Variants in TBL3 observed in about 807,000 individuals in gnomAD.
TBL3 encodes the protein transducin beta-like protein 3.
In TBL3, 71 loss-of-function variants were observed where a neutral mutation model predicts 102.7. That is an observed-to-expected ratio of 0.69 (90% CI 0.57 to 0.84). TBL3 has a LOEUF of 0.84. Ranked by LOEUF, TBL3 falls within the 40% of genes least tolerant of loss-of-function variation. The pLI, the probability that TBL3 is intolerant of heterozygous loss-of-function variation, is 0.00. For missense variants in TBL3, 1,188 were observed against 1,098.5 expected (o/e 1.08, Z -1.15); for synonymous variants, 578 against 477.7 (o/e 1.21, Z -2.74).
intron 18 of TBL3, 62 bp downstream of exon 18, chr16:1,977,862 G>A (rs371856842): frequency 1.6e-5 from 26 of 1,587,470 alleles, no homozygotes; most frequent in Non-Finnish European, 2.1e-5. Flanking sequence ...TAGGGAAAAC[G>A]AGGCTGAGTG....
In TBL3 at chr16:1,981,490, G is replaced by T. The variant is rs2083509840; in HGVS notation, c.*2805G>T. ...AGACTGAAGAAGGGGCGAAGGGTAGGCGGGACTGCTGCCTGGGGCCCTCCT... is the reference window on the plus strand; with the variant it reads ...AGACTGAAGAAGGGGCGAAGGGTAGTCGGGACTGCTGCCTGGGGCCCTCCT... On this transcript the variant is annotated 3_prime_UTR_variant, in exon 22 of 22. Coordinates refer to ENST00000568546, the MANE Select transcript of TBL3 (RefSeq NM_006453.3). 1 of 473,766 alleles carries T rather than the reference G, an allele frequency of 2.1e-6. No homozygotes were observed. The highest frequency in any genetic ancestry group is 3.6e-6 in the Non-Finnish European group (1 of 275,568). 29.3% of individuals were successfully genotyped at this position (473,766 alleles called of 1,614,324 possible).
intron 1 of TBL3, among the ~76,000 whole-genome samples, chr16:1,973,298 G>A (rs963063414): frequency 6.6e-6 from 1 of 151,458 alleles, no homozygotes; most frequent in Admixed American, 6.6e-5. Flanking sequence ...GCGCAGTGGC[G>A]GGCACCTGTA....
In TBL3 at chr16:1,974,639, C is replaced by G; in HGVS notation, c.339C>G (p.Ala113=). ...LWKAIHTAPV[A]TMAFDPTSTL... is the part of the protein sequence containing the mutation. ...AGGCGATACACACGGCCCCCGTGGC[C>G]ACCATGGCCTTCGACCCCACCTCCA... The change falls in exon 5 of 22, where the codon GCC becomes GCG. Residue 113 remains alanine (A), a synonymous_variant. Coordinates refer to ENST00000568546, the MANE Select transcript of TBL3 (RefSeq NM_006453.3). The G allele has an allele frequency of 4.3e-6, 7 of 1,609,712 alleles. No individual in the cohort carries two copies. The highest frequency in any genetic ancestry group is 5.1e-6 in the Non-Finnish European group (6 of 1,177,266).
Position 1,980,005 on chromosome 16 carries a change from T to A in TBL3, c.*1320T>A. The A allele has an allele frequency of 6.4e-7, 1 of 1,558,332 alleles. No individual in the cohort carries two copies. Among genetic ancestry groups the A allele is most frequent in the African/African-American group, 1.3e-5 (1 of 74,482 alleles). On this transcript the variant is annotated 3_prime_UTR_variant, in exon 22 of 22. Transcript: ENST00000568546. The stretch of plus-strand genomic sequence containing the variant: ...TTCTTGGGGGGCCCTACCTGAGGGG[T>A]GCCGCAGCAGCACGTCCAGGCTCTC...
At position 1,977,514 on chromosome 16, in the gene TBL3, C is replaced by A. The variant is rs369819329; in HGVS notation, c.1743C>A (p.Ser581Arg). ...FVSRGTQLLS[S>R]GSDGLVKLWT... The stretch of plus-strand genomic sequence containing the variant: ...GAGCCTCTCCCCACCCCAAACCCAG[C>A]GGTTCGGATGGCCTCGTGAAGCTCT... The change falls in exon 17 of 22, where the codon AGC becomes AGA. Residue 581 changes from serine (S) to arginine (R), a missense_variant and splice_region_variant. Physicochemically the swap from Ser to Arg is moderately radical, Grantham distance 110. Transcript: ENST00000568546. The A allele has an allele frequency of 6.2e-7, 1 of 1,608,008 alleles. No homozygotes were observed. Among genetic ancestry groups the A allele is most frequent in the Non-Finnish European group, 8.5e-7 (1 of 1,177,486 alleles).
At position 1,980,300 on chromosome 16, in the gene TBL3, C is replaced by T. The variant is rs1020425398; in HGVS notation, c.*1615C>T. On this transcript the variant is annotated 3_prime_UTR_variant, in exon 22 of 22. Transcript: ENST00000568546. The stretch of plus-strand genomic sequence containing the variant: ...CTGCCCCTATTCGCTGGCTGTTCCC[C>T]CCCACCCTGGACCTCTCCCAGCTCC... 1.3e-6 allele frequency: 2 copies of T among 1,539,554 alleles called. No homozygotes were observed. Among genetic ancestry groups the T allele is most frequent in the Non-Finnish European group, 8.7e-7 (1 of 1,145,624 alleles).
At chr16:1,976,190 T>C (rs2083400360) in intron 12 of TBL3, 21 bp from the exon 13 acceptor site, 3 of 1,614,088 alleles carry the variant, frequency 1.9e-6, no homozygotes, top group Non-Finnish European at 2.5e-6. Flanking sequence ...CCAGCCTCTC[T>C]CCTCAACTCC....
Position 1,979,200 on chromosome 16 carries a change from G to T in TBL3, c.*515G>T. 6.8e-7 allele frequency: 1 copy of T among 1,464,938 alleles called. No homozygotes were observed. Among genetic ancestry groups the T allele is most frequent in the South Asian group, 1.4e-5 (1 of 73,808 alleles). 90.7% of individuals were successfully genotyped at this position (1,464,938 alleles called of 1,614,324 possible). On this transcript the variant is annotated 3_prime_UTR_variant, in exon 22 of 22. Transcript: ENST00000568546. Reference sequence around the variant, plus strand: ...CGAAGGTCGGGTGGGCACGGTGGGGGGAGGGGCGGTGGCCTGGGAGGGTTC... The same window carrying T: ...CGAAGGTCGGGTGGGCACGGTGGGGTGAGGGGCGGTGGCCTGGGAGGGTTC...
Position 1,979,636 on chromosome 16 carries a change from A to G in TBL3, c.*951A>G. 1 of 1,312,610 alleles carries G rather than the reference A, an allele frequency of 7.6e-7. No homozygotes were observed. The highest frequency in any genetic ancestry group is 1.1e-6 in the Non-Finnish European group (1 of 939,790). 81.3% of individuals were successfully genotyped at this position (1,312,610 alleles called of 1,614,324 possible). On this transcript the variant is annotated 3_prime_UTR_variant, in exon 22 of 22. Transcript: ENST00000568546. ...ACATTCTCCTTGCTTGAGTCTGCTG[A>G]CGGCGGGGCCGCTCTAAGACCGGTT... is the stretch of plus-strand genomic sequence containing the variant.
chr16:1,980,717 C>G lies in TBL3; in HGVS notation c.*2032C>G, dbSNP rs1372772736. ...GCAGGCCCGCCTCCACCGGGAAGGT[C>G]TCCTTGAGGGTCTTCTGAGGGCGGG... On this transcript the variant is annotated 3_prime_UTR_variant, in exon 22 of 22. Transcript: ENST00000568546. The G allele has an allele frequency of 6.2e-7, 1 of 1,604,138 alleles. No homozygotes were observed.
chr16:1,972,340 C>A, intron 1 of TBL3, 135 bp downstream of exon 1: 1 of 996,422 alleles, frequency 1.0e-6, no homozygotes, highest in Non-Finnish European at 1.3e-6. Flanking sequence ...CGCGGGGTCG[C>A]GGAGGCTGCG....
Position 1,978,772 on chromosome 16 carries a change from C to T in TBL3, c.*87C>T, listed in dbSNP as rs2150886218. ...TGGCCGGCTCTGTCTCTCTGGACTG[C>T]AGTCCAGCCCCCCACCCTGGCCAAC... On this transcript the variant is annotated 3_prime_UTR_variant, in exon 22 of 22. Coordinates refer to ENST00000568546, the MANE Select transcript of TBL3 (RefSeq NM_006453.3). 2 of 1,498,584 alleles carry T rather than the reference C, an allele frequency of 1.3e-6. No individual in the cohort carries two copies. The highest frequency in any genetic ancestry group is 9.0e-7 in the Non-Finnish European group (1 of 1,106,650). 92.8% of individuals were successfully genotyped at this position (1,498,584 alleles called of 1,614,324 possible).
rs752772062 is a variant in TBL3, at chr16:1,974,699, G to C, written c.379+20G>C. Reference sequence around the variant, plus strand: ...CCACAGGTAGGGCCCTGCCGTGCAGGTGGGTCGTGGGCACAGATGCAGGGG... The same window carrying C: ...CCACAGGTAGGGCCCTGCCGTGCAGCTGGGTCGTGGGCACAGATGCAGGGG... On this transcript the variant is annotated intron_variant, in intron 5 of 21. Coordinates refer to ENST00000568546, the MANE Select transcript of TBL3 (RefSeq NM_006453.3). 1 of 1,611,036 alleles carries C rather than the reference G, an allele frequency of 6.2e-7. No homozygotes were observed. Among genetic ancestry groups the C allele is most frequent in the Non-Finnish European group, 8.5e-7 (1 of 1,178,950 alleles).
Position 1,978,156 on chromosome 16 carries a change from G to A in TBL3, c.2070G>A (p.Arg690=). 6.2e-7 allele frequency: 1 copy of A among 1,612,730 alleles called. No individual in the cohort carries two copies. The highest frequency in any genetic ancestry group is 8.5e-7 in the Non-Finnish European group (1 of 1,179,860). Residue 690 remains arginine, a synonymous_variant, in exon 20 of 22, where the codon CGG becomes CGA. Coordinates refer to ENST00000568546, the MANE Select transcript of TBL3 (RefSeq NM_006453.3). ...CCTTCCCTTCTCCCACAGCCATCCGGAGGGACCCTGAGGCCTGCGAGAAGC... is the reference window on the plus strand; with the variant it reads ...CCTTCCCTTCTCCCACAGCCATCCGAAGGGACCCTGAGGCCTGCGAGAAGC... The part of the protein sequence containing the change: ...HTVLTVIQAI[R]RDPEACEKLE...
rs1567326560 is a variant in TBL3, at chr16:1,977,789, G to C, written c.1947G>C (p.Glu649Asp). The change falls in exon 18 of 22, where the codon GAG (glutamate) becomes GAC (aspartate). Residue 649 changes from glutamate to aspartate, a missense_variant. Physicochemically the swap from Glu to Asp is conservative, Grantham distance 45 (BLOSUM62 2). Transcript: ENST00000568546. ...CAGAGGAGCAGGCCAGGCAAGAGGAGCAGGTGGTCAGGTAAGGCCAGGGCA... is the reference window on the plus strand; with the variant it reads ...CAGAGGAGCAGGCCAGGCAAGAGGACCAGGTGGTCAGGTAAGGCCAGGGCA... Reference protein sequence around the residue: ...EQAEEQARQEEQVVRQQELDN... With the variant: ...EQAEEQARQEDQVVRQQELDN... 2 of 1,556,526 alleles carry C rather than the reference G, an allele frequency of 1.3e-6. No individual in the cohort carries two copies. The highest frequency in any genetic ancestry group is 1.7e-6 in the Non-Finnish European group (2 of 1,149,658).
rs781253876 is a variant in TBL3, at chr16:1,979,394, G to GCCTGC, written c.*717_*721dup. ...GTTAGGGCCCCGCCCGCCTCGGCTA[G>GCCTGC]CCTGCCCTGCCCACGCCCGCTCCCG... is the stretch of plus-strand genomic sequence containing the variant. On this transcript the variant is annotated 3_prime_UTR_variant, in exon 22 of 22. Transcript: ENST00000568546. The GCCTGC allele has an allele frequency of 6.3e-7, 1 of 1,598,922 alleles. No individual in the cohort carries two copies. The highest frequency in any genetic ancestry group is 1.3e-5 in the African/African-American group (1 of 74,726).
rs35651739 is a variant in TBL3 at position 1,980,097 on chromosome 16, G to A, written c.*1412G>A. ...TACAGAAGGGCTGCAGGCAGCGCAG[G>A]CTCTGAGCCTCCAGACTGTGGATGG... On this transcript the variant is annotated 3_prime_UTR_variant, in exon 22 of 22. Coordinates refer to ENST00000568546, the MANE Select transcript of TBL3 (RefSeq NM_006453.3). 5.1e-4 allele frequency: 820 copies of A among 1,607,758 alleles called. 5 individuals are homozygous for A. The African/African-American group carries it at 9.3e-3, about 18-fold the overall frequency.
Position 1,978,686 on chromosome 16 carries a change from C to A in TBL3, c.*1C>A. On this transcript the variant is annotated 3_prime_UTR_variant, in exon 22 of 22. Transcript: ENST00000568546. ...AACCCATAAAGGCGCACTGCCCTAG[C>A]CGGTCCGGCCTCTCTCCAGTCCATC... The A allele has an allele frequency of 6.2e-7, 1 of 1,606,526 alleles. No homozygotes were observed. The highest frequency in any genetic ancestry group is 8.5e-7 in the Non-Finnish European group (1 of 1,175,158).
Position 1,978,889 on chromosome 16 carries a change from G to A in TBL3, c.*204G>A. 1 of 1,070,034 alleles carries A rather than the reference G, an allele frequency of 9.3e-7. No individual in the cohort carries two copies. The highest frequency in any genetic ancestry group is 2.6e-5 in the East Asian group (1 of 38,342). 66.3% of individuals were successfully genotyped at this position (1,070,034 alleles called of 1,614,324 possible). A position where few individuals can be genotyped will look rare whatever the true frequency, so the allele number is the denominator to read the frequency against. Reference sequence around the variant, plus strand: ...CCCTGGCCTGGCAGAGATCCAGCCCGCGGCTCCGCACGCTTAGACGGTGGG... The same window carrying A: ...CCCTGGCCTGGCAGAGATCCAGCCCACGGCTCCGCACGCTTAGACGGTGGG... On this transcript the variant is annotated 3_prime_UTR_variant, in exon 22 of 22. Transcript: ENST00000568546.
Sources: gnomAD v4.1 joint callset for allele counts (sites outside exome capture counted in the v4.1 genomes callset) on GRCh38, gnomAD v4.1.1 for gene constraint, MANE v1.5 for transcripts, NCBI Gene and HGNC (gene_info 2026-07-23, HGNC 2026-07-21) for gene names.